Variants in PVT1 observed in about 807,000 individuals in gnomAD.
PVT1 encodes CXCR4/PVT1 fusion.
intron 3 of PVT1, among the ~76,000 whole-genome samples, chr8:127,959,907 G>A (rs1226233277): frequency 6.6e-6 from 1 of 152,176 alleles, no homozygotes; most frequent in African/African-American, 2.4e-5. Flanking sequence ...GTTCATTTCT[G>A]GAAGCAGGGA....
In PVT1 at chr8:127,914,618, T is replaced by C. The variant is rs75218368; in HGVS notation, n.782+23620T>C. On this transcript the variant is annotated intron_variant and non_coding_transcript_variant, in intron 3 of 10. Transcript: ENST00000651587. ...TTCAACTGTAAAATGGAATGAGACA[T>C]TGATACATGTTACAACATGGATGAA... Among the ~76,000 whole-genome samples, 70 of 152,250 alleles carry C rather than the reference T, an allele frequency of 4.6e-4. No homozygotes were observed. The East Asian group carries it at 0.012, about 25-fold the overall frequency.
intron 2 of PVT1, among the ~76,000 whole-genome samples, chr8:127,878,846 AG>A (rs1220952298): frequency 6.6e-6 from 1 of 152,092 alleles, no homozygotes; most frequent in African/African-American, 2.4e-5. Context: ...CTCACCTGCA[AG>A]GGGGTGGGGA....
intron 3 of PVT1, among the ~76,000 whole-genome samples, chr8:127,980,950 C>T (rs989407533): frequency 6.6e-6 from 1 of 152,012 alleles, no homozygotes; most frequent in Non-Finnish European, 1.5e-5. Context: ...GCATCCACCA[C>T]AACACCCAGC....
chr8:127,810,346 G>C (rs1399657577), intron 2 of PVT1, among the ~76,000 whole-genome samples: 4 of 152,220 alleles, frequency 2.6e-5, no homozygotes, highest in Admixed American at 6.5e-5. Context: ...TCCTGTAAGC[G>C]AGCTTTGCAA....
chr8:128,028,737 C>T (rs1813354652), intron 4 of PVT1, among the ~76,000 whole-genome samples: 1 of 152,194 alleles, frequency 6.6e-6, no homozygotes, highest in African/African-American at 2.4e-5. Flanking sequence ...GTGGGGAGCA[C>T]TGTTAATATG....
At chr8:127,935,580 CAT>C (rs1193231742) in intron 3 of PVT1, among the ~76,000 whole-genome samples, 1 of 152,060 alleles carries the variant, frequency 6.6e-6, no homozygotes, top group Non-Finnish European at 1.5e-5. Flanking sequence ...GACAGAATCA[CAT>C]ATGTATTCAG....
chr8:127,881,429 G>A (rs1490983687), intron 2 of PVT1, among the ~76,000 whole-genome samples: 5 of 132,496 alleles, frequency 3.8e-5, no homozygotes, highest in East Asian at 4.7e-4. Flanking sequence ...TAATATTATT[G>A]TTATTATATT....
chr8:127,818,464 C>A (rs1814692107), intron 2 of PVT1, among the ~76,000 whole-genome samples: 1 of 152,118 alleles, frequency 6.6e-6, no homozygotes, highest in Non-Finnish European at 1.5e-5. Flanking sequence ...AGGAGAGGGA[C>A]CCGGTTCATC....
chr8:127,854,367 C>A (rs1255171229), intron 2 of PVT1, among the ~76,000 whole-genome samples: 8 of 152,192 alleles, frequency 5.3e-5, no homozygotes. Flanking sequence ...CGCTGGGCCG[C>A]TGAGTCATCG....
At chr8:127,889,068 C>CTTCCTTCT (rs1395628496) in intron 2 of PVT1, among the ~76,000 whole-genome samples, 1 of 148,052 alleles carries the variant, frequency 6.8e-6, no homozygotes, top group African/African-American at 2.5e-5. Flanking sequence ...TCCTTCCTTC[C>CTTCCTTCT]TTCCTTCCTT....
chr8:128,010,118 C>G, intron 4 of PVT1: 1 of 152,124 alleles, frequency 6.6e-6, no homozygotes, highest in South Asian at 2.1e-4. Context: ...CTCTATGTGA[C>G]TGATTCCTGC....
intron 3 of PVT1, among the ~76,000 whole-genome samples, chr8:127,933,989 G>A (rs1194591992): frequency 1.3e-5 from 2 of 152,224 alleles, no homozygotes; most frequent in African/African-American, 4.8e-5. Flanking sequence ...TAGCTGTGAT[G>A]GTTACAGAGC....
intron 4 of PVT1, among the ~76,000 whole-genome samples, chr8:128,021,854 C>T (rs911458896): frequency 6.6e-6 from 1 of 152,136 alleles, no homozygotes; most frequent in African/African-American, 2.4e-5. Context: ...AGATGGCATG[C>T]ATCAGTATGT....
intron 4 of PVT1, among the ~76,000 whole-genome samples, chr8:127,990,805 G>T (rs1817024187): frequency 6.6e-6 from 1 of 152,216 alleles, no homozygotes; most frequent in African/African-American, 2.4e-5. Context: ...TTCAGTCAAG[G>T]TGGGGATACT....
intron 4 of PVT1, among the ~76,000 whole-genome samples, chr8:128,030,277 T>C (rs1813373372): frequency 6.6e-6 from 1 of 152,264 alleles, no homozygotes; most frequent in South Asian, 2.1e-4. Context: ...TATTATATTA[T>C]GTACATATGT....
At chr8:127,895,847 C>T (rs1815667878) in intron 3 of PVT1, among the ~76,000 whole-genome samples, 1 of 152,156 alleles carries the variant, frequency 6.6e-6, no homozygotes, top group Non-Finnish European at 1.5e-5. Flanking sequence ...CTCTGTACTG[C>T]TTGTCAGTTC....
chr8:127,891,621 GAAATGCTGACC>G (rs1815603647), intron 3 of PVT1, among the ~76,000 whole-genome samples: 2 of 152,226 alleles, frequency 1.3e-5, no homozygotes, highest in Non-Finnish European at 2.9e-5. Context: ...AGTAGACATT[GAAATGCTGACC>G]ACATGACAGA....
chr8:127,835,622 C>A (rs78515824), intron 2 of PVT1, among the ~76,000 whole-genome samples: 1 of 152,032 alleles, frequency 6.6e-6, no homozygotes, highest in Non-Finnish European at 1.5e-5. Flanking sequence ...AACAAACAAA[C>A]AAAAAACCTC....
intron 2 of PVT1, among the ~76,000 whole-genome samples, chr8:127,863,136 G>T (rs896599495): frequency 1.3e-5 from 2 of 149,898 alleles, no homozygotes; most frequent in African/African-American, 4.9e-5. Context: ...TTCCGAGACC[G>T]TGTCTTGCTC....
Sources: allele counts gnomAD v4.1 joint callset (sites outside exome capture counted in the v4.1 genomes callset), GRCh38; gene constraint gnomAD v4.1.1; transcripts MANE v1.5; gene names NCBI Gene and HGNC (gene_info 2026-07-23, HGNC 2026-07-21).